Variants in FERMT1 observed in about 807,000 individuals in gnomAD.
FERMT1 encodes the protein fermitin family homolog 1.
FERMT1 carries 60 observed loss-of-function variants against 85.3 expected under a neutral mutation model. That is an observed-to-expected ratio of 0.70 (90% CI 0.57 to 0.87). FERMT1 has a LOEUF of 0.87. Ranked by LOEUF, FERMT1 falls within the 40% of genes least tolerant of loss-of-function variation. The pLI is 0.00. For missense variants in FERMT1, 701 were observed against 818.9 expected, an observed-to-expected ratio of 0.86 and a Z score of 1.76; for synonymous variants, 275 against 301.1, an observed-to-expected ratio of 0.91 and a Z score of 0.90.
At chr20:6,112,374 A>G (rs980567780) in intron 4 of FERMT1, 103 bp downstream of exon 4, 3 of 1,202,306 alleles carry the variant, frequency 2.5e-6, no homozygotes, top group African/African-American at 1.5e-5. Flanking sequence ...TCAGTTCTGC[A>G]ATTTTATTTC....
At chr20:6,091,193 ATT>A (rs1325602074) in intron 9 of FERMT1, among the ~76,000 whole-genome samples, 1 of 151,764 alleles carries the variant, frequency 6.6e-6, no homozygotes, top group Non-Finnish European at 1.5e-5. Context: ...AAAAATTGGT[ATT>A]TATCATGTTG....
At chr20:6,084,313 T>C (rs1015449658) in intron 12 of FERMT1, 149 bp from the exon 13 acceptor site, 10 of 898,946 alleles carry the variant, frequency 1.1e-5, no homozygotes, top group Admixed American at 6.1e-5. Context: ...TCATTCTCTC[T>C]CTTTTTCTAC....
chr20:6,119,351 T>C, intron 2 of FERMT1, 53 bp downstream of exon 2: 1 of 1,569,490 alleles, frequency 6.4e-7, no homozygotes, highest in Non-Finnish European at 8.8e-7. Context: ...TTAGTGGTGA[T>C]GCACCAGACA....
chr20:6,076,150 G>A lies in FERMT1; in HGVS notation c.*1023C>T, dbSNP rs1043261835. On this transcript the variant is annotated 3_prime_UTR_variant, in exon 15 of 15. Transcript: ENST00000217289. ...AACACAGACCAGCGATAAGAGGGAC[G>A]CTTCCCCATGACCCAGACCAGCCTA... 2.2e-5 allele frequency: 5 copies of A among 224,754 alleles called. No homozygotes were observed. Among genetic ancestry groups the A allele is most frequent in the South Asian group, 1.2e-4 (2 of 16,616 alleles). The allele number at this position is 224,754 out of a possible 1,614,324, so 13.9% of individuals were successfully genotyped here. A position where few individuals can be genotyped will look rare whatever the true frequency, so the allele number is the denominator to read the frequency against.
At chr20:6,122,539 G>C (rs6085414) in intron 1 of FERMT1, among the ~76,000 whole-genome samples, 1 of 152,194 alleles carries the variant, frequency 6.6e-6, no homozygotes, top group Non-Finnish European at 1.5e-5. Context: ...GGTGGATAAA[G>C]CATGCCCCTT....
Position 6,093,471 on chromosome 20 carries a change from A to G in FERMT1, c.1139+1468T>C, listed in dbSNP as rs574339849. ...TCAGAAACATCTATAGGAAGGCTAC[A>G]GTCACCATTTGGTTCATGAGGGGCT... On this transcript the variant is annotated intron_variant, in intron 9 of 14. Transcript: ENST00000217289. Among the ~76,000 whole-genome samples the G allele has an allele frequency of 5.8e-4, 88 of 152,334 alleles. No individual in the cohort carries two copies. The Middle Eastern group carries it at 0.014, about 24-fold the overall frequency.
chr20:6,112,366 A>T (rs1407044502), intron 4 of FERMT1, 111 bp downstream of exon 4: 1 of 1,086,114 alleles, frequency 9.2e-7, no homozygotes, highest in Non-Finnish European at 1.4e-6. Flanking sequence ...TCATCACATC[A>T]GTTCTGCAAT....
chr20:6,102,679 G>GAAAAAAAAAAA (rs769578429), intron 6 of FERMT1, among the ~76,000 whole-genome samples: 3 of 50,736 alleles, frequency 5.9e-5, no homozygotes, highest in African/African-American at 1.4e-4. Context: ...TGTGTCTCAA[G>GAAAAAAAAAAA]AAAAAAAAAA....
At chr20:6,117,447 T>C (rs1335231925) in intron 2 of FERMT1, among the ~76,000 whole-genome samples, 2 of 151,360 alleles carry the variant, frequency 1.3e-5, no homozygotes, top group African/African-American at 4.9e-5. Context: ...TTTTTTTTTT[T>C]TTTTGAGATG....
At chr20:6,106,956 G>A (rs942109433) in intron 6 of FERMT1, among the ~76,000 whole-genome samples, 12 of 152,142 alleles carry the variant, frequency 7.9e-5, no homozygotes, top group African/African-American at 2.4e-4. Flanking sequence ...CCAGCACTTT[G>A]GGAGGCCGAG....
intron 3 of FERMT1, among the ~76,000 whole-genome samples, chr20:6,113,270 G>A (rs893070086): frequency 6.6e-6 from 1 of 152,180 alleles, no homozygotes; most frequent in African/African-American, 2.4e-5. Context: ...CCCCAGCCAT[G>A]TGGAACTGTA....
intron 9 of FERMT1, among the ~76,000 whole-genome samples, chr20:6,090,353 A>G (rs535315133): frequency 5.6e-4 from 85 of 152,266 alleles, no homozygotes; most frequent in African/African-American, 1.8e-3. Flanking sequence ...GATTACAGGC[A>G]TGAGCCACCA....
At chr20:6,107,199 CAAAAAAAAAAA>C (rs59180891) in intron 6 of FERMT1, among the ~76,000 whole-genome samples, 1 of 92,646 alleles carries the variant, frequency 1.1e-5, no homozygotes, top group African/African-American at 4.1e-5. Flanking sequence ...CTGTCTCAAC[CAAAAAAAAAAA>C]AAAAAAAAAA....
chr20:6,122,294 G>A (rs1459396045), intron 1 of FERMT1, among the ~76,000 whole-genome samples: 1 of 152,172 alleles, frequency 6.6e-6, no homozygotes, highest in Non-Finnish European at 1.5e-5. Context: ...AACTTCAGCC[G>A]GGAAAACGCA....
intron 3 of FERMT1, among the ~76,000 whole-genome samples, chr20:6,113,570 C>CTTCTGGT (rs1568664861): frequency 1.8e-4 from 28 of 152,038 alleles, no homozygotes; most frequent in African/African-American, 6.3e-4. Flanking sequence ...TGGCTTCTGG[C>CTTCTGGT]GGAATCTAGA....
chr20:6,117,425 T>C (rs539157455), intron 2 of FERMT1, among the ~76,000 whole-genome samples: 2 of 134,494 alleles, frequency 1.5e-5, no homozygotes, highest in Non-Finnish European at 3.1e-5. Context: ...CGCACCACCA[T>C]GTCAGTCTAA....
chr20:6,097,896 C>T (rs1020535226), intron 6 of FERMT1, among the ~76,000 whole-genome samples: 4 of 151,720 alleles, frequency 2.6e-5, no homozygotes, highest in African/African-American at 9.7e-5. Flanking sequence ...CTCACTGCAA[C>T]GTCCGCCTCC....
chr20:6,078,944 A>T (rs1187718999), intron 14 of FERMT1, among the ~76,000 whole-genome samples: 3 of 151,934 alleles, frequency 2.0e-5, no homozygotes, highest in African/African-American at 7.3e-5. Context: ...ATCACTATGG[A>T]CCTCACTTTC....
At chr20:6,086,140 CAAAA>C (rs532906778) in intron 11 of FERMT1, among the ~76,000 whole-genome samples, 2 of 98,312 alleles carry the variant, frequency 2.0e-5, no homozygotes, top group East Asian at 2.9e-4. Flanking sequence ...GACTCCATCT[CAAAA>C]AAAAAAAAAA....
Sources: gnomAD v4.1 joint callset for allele counts (sites outside exome capture counted in the v4.1 genomes callset) on GRCh38, gnomAD v4.1.1 for gene constraint, MANE v1.5 for transcripts, NCBI Gene and HGNC (gene_info 2026-07-23, HGNC 2026-07-21) for gene names.